TBK1: variants seen among roughly 807,000 people sequenced by gnomAD.
TBK1 encodes serine/threonine-protein kinase TBK1.
TBK1 carries 37 observed loss-of-function variants against 99.9 expected under a neutral mutation model. The ratio of observed to expected loss-of-function variants is 0.37; its 90% CI spans 0.28 to 0.49. The LOEUF (loss-of-function observed/expected upper bound fraction) is 0.49. Among genes scored for constraint, TBK1 ranks in the 20% least tolerant of loss-of-function variants. The pLI is 0.98. For synonymous variants in TBK1, 258 were observed against 279.8 expected (o/e 0.92, Z 0.78); for missense variants, 644 against 872.5 (o/e 0.74, Z 3.30).
intron 3 of TBK1, among the ~76,000 whole-genome samples, chr12:64,460,693 G>T (rs1473470765): frequency 1.4e-5 from 2 of 142,874 alleles, no homozygotes; most frequent in Non-Finnish European, 3.2e-5. Context: ...AATTAGCTTG[G>T]CATGGTGGTG....
At chr12:64,485,101 A>G (rs2040805793) in intron 9 of TBK1, among the ~76,000 whole-genome samples, 2 of 152,250 alleles carry the variant, frequency 1.3e-5, no homozygotes, top group Admixed American at 1.3e-4. Context: ...GAAAAATTAG[A>G]TCTGCATTTT....
chr12:64,485,237 G>A (rs1484246289), intron 9 of TBK1, among the ~76,000 whole-genome samples: 2 of 152,114 alleles, frequency 1.3e-5, no homozygotes, highest in African/African-American at 2.4e-5. Context: ...CATTGTGTTG[G>A]TGTATATTTA....
chr12:64,476,140 G>A (rs2040709960), intron 6 of TBK1, among the ~76,000 whole-genome samples: 1 of 143,970 alleles, frequency 6.9e-6, no homozygotes, highest in African/African-American at 2.5e-5. Context: ...TTGGCAGCTT[G>A]CGTAGTCTTC....
chr12:64,467,461 G>A (rs1368269046), intron 5 of TBK1, among the ~76,000 whole-genome samples: 7 of 151,952 alleles, frequency 4.6e-5, no homozygotes, highest in Non-Finnish European at 4.4e-5. Context: ...ATTGAATGAC[G>A]AAAAGGACCA....
At chr12:64,477,591 T>A (rs1248106556) in intron 6 of TBK1, among the ~76,000 whole-genome samples, 1 of 152,230 alleles carries the variant, frequency 6.6e-6, no homozygotes, top group East Asian at 1.9e-4. Flanking sequence ...AATCATACTG[T>A]CAGTGAAGAG....
At position 64,455,905 on chromosome 12, in the gene TBK1, C is replaced by G. The variant is rs779634532; in HGVS notation, c.35C>G (p.Ser12Cys). ...QSTSNHLWLL[S>C]DILGQGATAN... ...ACTTCTAATCATCTGTGGCTTTTAT[C>G]TGATATTTTAGGCCAAGGAGCTACT... The change falls in exon 2 of 21, where the codon TCT becomes TGT. Residue 12 changes from serine to cysteine, a missense_variant. This residue lies in a region of TBK1 where 148 missense variants were observed against 202.1 expected (regional missense o/e 0.73). Transcript: ENST00000331710. 5 of 1,613,842 alleles carry G rather than the reference C, an allele frequency of 3.1e-6. No homozygotes were observed. The South Asian group carries it at 4.4e-5, about 14-fold the overall frequency.
At chr12:64,492,328 CAG>C (rs568025045) in intron 13 of TBK1, among the ~76,000 whole-genome samples, 93 of 152,242 alleles carry the variant, frequency 6.1e-4, no homozygotes, top group African/African-American at 2.2e-3. Flanking sequence ...TATTTTTAAA[CAG>C]AGTTTCCCTC....
Position 64,485,995 on chromosome 12 carries a change from C to A in TBK1, c.1318C>A (p.Arg440=), listed in dbSNP as rs769588220. 7 of 1,588,122 alleles carry A rather than the reference C, an allele frequency of 4.4e-6. No individual in the cohort carries two copies. Among genetic ancestry groups the A allele is most frequent in the Non-Finnish European group, 6.0e-6 (7 of 1,168,080 alleles). ...CTTACTGCTTTATCAGGAATTAATG[C>A]GAAAGGGGATACGATGGCTGATGTA... is the stretch of plus-strand genomic sequence containing the variant. ...STLLLYQELM[R]KGIRWLIELI... is the part of the protein sequence containing the mutation. Residue 440 remains arginine (R), a synonymous_variant, in exon 11 of 21, where the codon CGA becomes AGA. Coordinates refer to ENST00000331710, the MANE Select transcript of TBK1 (RefSeq NM_013254.4).
intron 13 of TBK1, among the ~76,000 whole-genome samples, chr12:64,492,402 G>A (rs2040877932): frequency 6.6e-6 from 1 of 152,196 alleles, no homozygotes; most frequent in South Asian, 2.1e-4. Flanking sequence ...CGCCTCCTGG[G>A]TTCAAGCAAT....
intron 5 of TBK1, among the ~76,000 whole-genome samples, chr12:64,471,584 C>T (rs750435772): frequency 3.3e-5 from 5 of 152,088 alleles, no homozygotes; most frequent in Admixed American, 6.5e-5. Context: ...AACTCCTGAC[C>T]TCAAGCGATC....
chr12:64,460,219 T>C lies in TBK1; in HGVS notation c.118T>C (p.Phe40Leu). The C allele has an allele frequency of 6.4e-7, 1 of 1,553,288 alleles. No homozygotes were observed. The highest frequency in any genetic ancestry group is 8.7e-7 in the Non-Finnish European group (1 of 1,147,162). Residue 40 changes from phenylalanine to leucine, a missense_variant, in exon 3 of 21, where the codon TTT (phenylalanine) becomes CTT (leucine). Phe to Leu is a conservative substitution (Grantham distance 22, BLOSUM62 0). Coordinates refer to ENST00000331710, the MANE Select transcript of TBK1 (RefSeq NM_013254.4). ...KTGDLFAIKVFNNISFLRPVD... is the reference protein window; with the variant it reads ...KTGDLFAIKVLNNISFLRPVD... ...TGGTGATTTATTTGCTATCAAAGTA[T>C]TTAATAACATAAGCTTCCTTCGTCC...
intron 15 of TBK1, 42 bp from the exon 16 acceptor site, chr12:64,496,325 T>C (rs767213694): frequency 1.0e-6 from 1 of 967,662 alleles, no homozygotes; most frequent in South Asian, 1.6e-5. Context: ...TATAATATTA[T>C]GATTCTATAT....
intron 5 of TBK1, among the ~76,000 whole-genome samples, chr12:64,467,498 G>A (rs1218873433): frequency 2.0e-5 from 3 of 152,130 alleles, no homozygotes; most frequent in South Asian, 2.1e-4. Flanking sequence ...CACACAAAAT[G>A]CCCCTGAGAA....
chr12:64,489,565 T>C (rs1466738603), intron 12 of TBK1, among the ~76,000 whole-genome samples: 1 of 151,358 alleles, frequency 6.6e-6, no homozygotes, highest in African/African-American at 2.4e-5. Flanking sequence ...GGTTTTTTTG[T>C]TTTTTTGGTT....
At chr12:64,456,763 A>G (rs1345883109) in intron 2 of TBK1, among the ~76,000 whole-genome samples, 1 of 151,742 alleles carries the variant, frequency 6.6e-6, no homozygotes, top group Non-Finnish European at 1.5e-5. Context: ...AATGGTGTGA[A>G]CCCAGGAGGC....
At chr12:64,493,542 A>G (rs2040894539) in intron 13 of TBK1, among the ~76,000 whole-genome samples, 1 of 152,020 alleles carries the variant, frequency 6.6e-6, no homozygotes. Flanking sequence ...CAAGAGAATC[A>G]CTTGAACCTG....
chr12:64,482,272 T>C (rs2040775424), intron 8 of TBK1, among the ~76,000 whole-genome samples: 1 of 152,216 alleles, frequency 6.6e-6, no homozygotes, highest in African/African-American at 2.4e-5. Flanking sequence ...CTTTCATTGC[T>C]GTGCCTTCTT....
At chr12:64,483,690 A>G (rs560778558) in intron 8 of TBK1, among the ~76,000 whole-genome samples, 3 of 152,258 alleles carry the variant, frequency 2.0e-5, no homozygotes, top group East Asian at 1.9e-4. Flanking sequence ...CCGCTCTGCT[A>G]TGTTGGTTCT....
intron 14 of TBK1, 45 bp downstream of exon 14, chr12:64,495,649 T>C: frequency 1.2e-6 from 2 of 1,612,392 alleles, no homozygotes; most frequent in Non-Finnish European, 1.7e-6. Context: ...ATTAATGTCC[T>C]TTTTCACATT....
Sources: gnomAD v4.1 joint callset for allele counts (sites outside exome capture counted in the v4.1 genomes callset) on GRCh38, gnomAD v4.1.1 for gene constraint, gnomAD v4.1.1 regional missense constraint, MANE v1.5 for transcripts, NCBI Gene and HGNC (gene_info 2026-07-23, HGNC 2026-07-21) for gene names.